Variants in ARPP21 observed in about 807,000 individuals in gnomAD.
ARPP21 encodes the protein cAMP-regulated phosphoprotein 21.
Under a neutral mutation model 113.2 loss-of-function variants are expected in ARPP21, and 69 were observed. The ratio of observed to expected loss-of-function variants is 0.61; its 90% CI spans 0.50 to 0.74. ARPP21 has a LOEUF of 0.74. Among genes scored for constraint, ARPP21 ranks in the 30% least tolerant of loss-of-function variants. The pLI is 0.00. For missense variants in ARPP21, 1,070 were observed against 1,037.4 expected, an observed-to-expected ratio of 1.03 and a Z score of -0.43; for synonymous variants, 368 against 375.5, an observed-to-expected ratio of 0.98 and a Z score of 0.23.
intron 11 of ARPP21, among the ~76,000 whole-genome samples, chr3:35,711,027 G>A (rs938257741): frequency 6.6e-6 from 1 of 152,182 alleles, no homozygotes; most frequent in African/African-American, 2.4e-5. Flanking sequence ...TCAAGCTATT[G>A]CCATAGCTTT....
At chr3:35,702,940 A>T (rs2087024042) in intron 9 of ARPP21, among the ~76,000 whole-genome samples, 1 of 151,894 alleles carries the variant, frequency 6.6e-6, no homozygotes, top group Admixed American at 6.6e-5. Flanking sequence ...TTTGACTATT[A>T]AAGTGCTTTT....
At chr3:35,740,942 T>TA (rs914266346) in intron 18 of ARPP21, among the ~76,000 whole-genome samples, 45 of 146,932 alleles carry the variant, frequency 3.1e-4, no homozygotes, top group Admixed American at 4.1e-4. Context: ...TGCAAAGAAT[T>TA]AAAAAAAAAA....
intron 1 of ARPP21, among the ~76,000 whole-genome samples, chr3:35,678,490 A>G (rs1305426602): frequency 6.6e-6 from 1 of 152,100 alleles, no homozygotes; most frequent in African/African-American, 2.4e-5. Context: ...AACTAAAATT[A>G]CTATTGATTA....
Position 35,739,648 on chromosome 3 carries a change from T to C in ARPP21, c.2010+71T>C, listed in dbSNP as rs1277146400. Reference sequence around the variant, plus strand: ...GCATTTTGACCTTTATCTTTCTATGTAGAAAATAACCAGATTCACTCCCTC... The same window carrying C: ...GCATTTTGACCTTTATCTTTCTATGCAGAAAATAACCAGATTCACTCCCTC... On this transcript the variant is annotated intron_variant, in intron 18 of 20. Coordinates refer to ENST00000684406, the MANE Select transcript of ARPP21 (RefSeq NM_001385562.1). The C allele has an allele frequency of 3.6e-5, 55 of 1,509,606 alleles. No individual in the cohort carries two copies. In the South Asian group the frequency reaches 7.2e-4, roughly 20 times the overall value. The allele number at this position is 1,509,606 out of a possible 1,614,324, so 93.5% of individuals were successfully genotyped here.
chr3:35,756,121 G>A (rs996644690), intron 19 of ARPP21, among the ~76,000 whole-genome samples: 1 of 152,116 alleles, frequency 6.6e-6, no homozygotes, highest in South Asian at 2.1e-4. Flanking sequence ...AACAGCATAA[G>A]ATCACAGTTT....
rs1559599435 is a variant in ARPP21 at position 35,682,764 on chromosome 3, T to TC, written c.130-84_130-83insC. 3,984 of 1,195,008 alleles carry TC rather than the reference T, an allele frequency of 3.3e-3. 90 individuals are homozygous for TC. In the African/African-American group the frequency reaches 0.053, roughly 16 times the overall value. 74.0% of individuals were successfully genotyped at this position (1,195,008 alleles called of 1,614,324 possible). ...GGTAGTGACATTTTTCTCTCTTTCTTTCTCTCTCTCTCTCGGTTGTTGATT... is the reference window on the plus strand; with the variant it reads ...GGTAGTGACATTTTTCTCTCTTTCTTCTCTCTCTCTCTCTCGGTTGTTGATT... On this transcript the variant is annotated intron_variant, in intron 3 of 20. Transcript: ENST00000684406.
intron 5 of ARPP21, chr3:35,685,112 C>T: frequency 2.0e-6 from 2 of 985,422 alleles, no homozygotes; most frequent in Non-Finnish European, 2.4e-6. Context: ...TTGTCCCCCA[C>T]TCCTAATGCC....
At chr3:35,691,553 A>G (rs1347385268) in intron 9 of ARPP21, among the ~76,000 whole-genome samples, 4 of 151,664 alleles carry the variant, frequency 2.6e-5, no homozygotes, top group African/African-American at 9.6e-5. Flanking sequence ...TTCACCTGTA[A>G]AATGAGAGTT....
intron 19 of ARPP21, among the ~76,000 whole-genome samples, chr3:35,773,302 T>A (rs1416341660): frequency 6.6e-6 from 1 of 152,098 alleles, no homozygotes; most frequent in Non-Finnish European, 1.5e-5. Flanking sequence ...CCTGACCGTA[T>A]GAGATTGATA....
chr3:35,642,400 T>G (rs1250601637), intron 1 of ARPP21: 2 of 152,164 alleles, frequency 1.3e-5, no homozygotes, highest in Admixed American at 6.6e-5. Context: ...GACAAGGATA[T>G]TTGGAAAGGT....
chr3:35,730,522 A>G (rs1480955832), intron 15 of ARPP21, among the ~76,000 whole-genome samples: 1 of 152,216 alleles, frequency 6.6e-6, no homozygotes, highest in African/African-American at 2.4e-5. Context: ...ACCATGGTTG[A>G]GAATCCCCGG....
Position 35,681,867 on chromosome 3 carries a change from A to G in ARPP21, c.116A>G (p.Lys39Arg). ...TCAGAAAGTCTGGATGAAGAGGAGA[A>G]ACTGGAACTGCAGGTGAGTGAGCAT... ...VKSESLDEEE[K>R]LELQRRLEAQ... The change falls in exon 3 of 21, where the codon AAA (lysine) becomes AGA (arginine). Residue 39 changes from lysine (K) to arginine (R), a missense_variant. Lys to Arg is a conservative substitution (Grantham distance 26, BLOSUM62 2). Transcript: ENST00000684406. 6.2e-7 allele frequency: 1 copy of G among 1,611,972 alleles called. No homozygotes were observed. Among genetic ancestry groups the G allele is most frequent in the Non-Finnish European group, 8.5e-7 (1 of 1,178,676 alleles).
At position 35,758,335 on chromosome 3, in the gene ARPP21, C is replaced by T. The variant is rs770124971; in HGVS notation, c.2137+14370C>T. Among the ~76,000 whole-genome samples, 40 of 152,214 alleles carry T rather than the reference C, an allele frequency of 2.6e-4. No individual in the cohort carries two copies. The Middle Eastern group carries it at 0.01, about 39-fold the overall frequency. The stretch of plus-strand genomic sequence containing the variant: ...ATCTCTCATGTATCTTCTTTAGCTT[C>T]TACATTCAACAAATATTTCACAATA... On this transcript the variant is annotated intron_variant, in intron 19 of 20. Coordinates refer to ENST00000684406, the MANE Select transcript of ARPP21 (RefSeq NM_001385562.1).
Position 35,686,890 on chromosome 3 carries a change from C to T in ARPP21, c.262-849C>T, listed in dbSNP as rs2080778952. Among the ~76,000 whole-genome samples the T allele has an allele frequency of 2.0e-5, 3 of 151,368 alleles. No homozygotes were observed. In the South Asian group the frequency reaches 6.2e-4, roughly 31 times the overall value. ...AATTGCTGATATATGTGAGTTAATA[C>T]AAAATAATCTATTTTCAGTGCAAAA... On this transcript the variant is annotated intron_variant, in intron 5 of 20. Transcript: ENST00000684406.
intron 9 of ARPP21, among the ~76,000 whole-genome samples, chr3:35,691,286 AC>A (rs2082164439): frequency 6.6e-6 from 1 of 151,722 alleles, no homozygotes. Context: ...GAAATTACAT[AC>A]AAAGCTGTGA....
At chr3:35,723,157 C>T (rs1355382435) in intron 14 of ARPP21, among the ~76,000 whole-genome samples, 2 of 152,006 alleles carry the variant, frequency 1.3e-5, no homozygotes, top group African/African-American at 2.4e-5. Flanking sequence ...GAATGGAGAA[C>T]CCCAGTTAGA....
rs115378640 is a variant in ARPP21, at chr3:35,683,704, C to T, written c.172-22C>T. On this transcript the variant is annotated intron_variant, in intron 4 of 20. Transcript: ENST00000684406. The stretch of plus-strand genomic sequence containing the variant: ...TGTTTTCTTTATTTTCCTTTCCTTC[C>T]CTTTTCTTTCCCCCCTCCTAGTCAG... The T allele has an allele frequency of 1.6e-3, 1,384 of 887,634 alleles. 13 individuals are homozygous for T. In the African/African-American group the frequency reaches 0.02, roughly 13 times the overall value. The allele number at this position is 887,634 out of a possible 1,614,324, so 55.0% of individuals were successfully genotyped here.
At chr3:35,714,835 A>AT (rs35985946) in intron 11 of ARPP21, 18,142 of 147,970 alleles carry the variant, frequency 0.12, 1,133 homozygotes, top group African/African-American at 0.15. Context: ...ATGGAGCTTG[A>AT]TTTTTTTTTT....
At chr3:35,695,760 A>G (rs949326395) in intron 9 of ARPP21, among the ~76,000 whole-genome samples, 4 of 151,570 alleles carry the variant, frequency 2.6e-5, no homozygotes, top group African/African-American at 9.7e-5. Flanking sequence ...ACATAAGATA[A>G]AAATCTCTAC....
Sources: gnomAD v4.1 joint callset for allele counts (sites outside exome capture counted in the v4.1 genomes callset) on GRCh38, gnomAD v4.1.1 for gene constraint, MANE v1.5 for transcripts, NCBI Gene and HGNC (gene_info 2026-07-23, HGNC 2026-07-21) for gene names.